Variants in C8orf89 observed in about 807,000 individuals in gnomAD.
C8orf89 encodes chromosome 8 open reading frame 89.
A neutral mutation model predicts 15.8 loss-of-function variants in C8orf89; 14 were observed. That is an observed-to-expected ratio of 0.89 (90% CI 0.59 to 1.39). The LOEUF (loss-of-function observed/expected upper bound fraction) is 1.39. Ranked by LOEUF, C8orf89 falls within the 40% of genes most tolerant of loss-of-function variation. The probability of loss-of-function intolerance (pLI) is 0.00; values close to 1 mark genes in which losing one functional copy is unlikely to be tolerated. For synonymous variants in C8orf89, 55 were observed against 62.2 expected (o/e 0.88, Z 0.54); for missense variants, 181 against 184.5 (o/e 0.98, Z 0.11).
At chr8:73,244,428 G>A (rs140307996) in intron 3 of C8orf89, among the ~76,000 whole-genome samples, 3 of 152,084 alleles carry the variant, frequency 2.0e-5, no homozygotes, top group Non-Finnish European at 4.4e-5. Context: ...CAATCACTAC[G>A]TATTACCCCT....
At chr8:73,273,977 T>C in the C8orf89 span, among the ~76,000 whole-genome samples, 1 of 152,168 alleles carries the variant, frequency 6.6e-6, no homozygotes, top group Non-Finnish European at 1.5e-5. Flanking sequence ...TATTTTGTAA[T>C]GATATATCAT....
the C8orf89 span, among the ~76,000 whole-genome samples, chr8:73,265,766 C>G: frequency 6.6e-6 from 1 of 152,180 alleles, no homozygotes; most frequent in Non-Finnish European, 1.5e-5. Flanking sequence ...AAGGGCATCT[C>G]AAATTCAAAA....
the C8orf89 span, among the ~76,000 whole-genome samples, chr8:73,274,247 G>A: frequency 3.9e-5 from 6 of 152,032 alleles, no homozygotes; most frequent in East Asian, 1.9e-4. Flanking sequence ...TCCGCCTCCC[G>A]GGTTCACGCC....
At chr8:73,251,741 G>A (rs762020591) in intron 2 of C8orf89, among the ~76,000 whole-genome samples, 1 of 152,130 alleles carries the variant, frequency 6.6e-6, no homozygotes, top group African/African-American at 2.4e-5. Flanking sequence ...GTCAGAAAGG[G>A]CTAATTCATG....
In C8orf89 at chr8:73,253,870, A is replaced by G. The variant is rs866956975; in HGVS notation, c.281+3103T>C. ...GGTTTTCTAGATATACAATCATGTCATCTGCAAACAGGGACAATTTGACTT... is the reference window on the plus strand; with the variant it reads ...GGTTTTCTAGATATACAATCATGTCGTCTGCAAACAGGGACAATTTGACTT... On this transcript the variant is annotated intron_variant, in intron 2 of 3. Coordinates refer to ENST00000624510, the MANE Select transcript of C8orf89 (RefSeq NM_001243237.3). 8.8e-3 allele frequency among the ~76,000 whole-genome samples: 1,317 copies of G among 149,618 alleles called. 39 individuals are homozygous for G. Among genetic ancestry groups the G allele is most frequent in the African/African-American group, 0.03 (1,196 of 39,348 alleles).
At chr8:73,267,005 C>A in the C8orf89 span, among the ~76,000 whole-genome samples, 1 of 152,056 alleles carries the variant, frequency 6.6e-6, no homozygotes, top group African/African-American at 2.4e-5. Context: ...TGCCAACTGA[C>A]CAAAGATAGG....
intron 2 of C8orf89, among the ~76,000 whole-genome samples, chr8:73,254,484 A>G (rs574511333): frequency 6.6e-6 from 1 of 152,318 alleles, no homozygotes; most frequent in Admixed American, 6.5e-5. Flanking sequence ...TAAAAAAGGC[A>G]TTCAGGGAAT....
intron 3 of C8orf89, among the ~76,000 whole-genome samples, chr8:73,243,696 G>C (rs1222251127): frequency 6.6e-6 from 1 of 151,892 alleles, no homozygotes; most frequent in Non-Finnish European, 1.5e-5. Flanking sequence ...TGCCCAGCTA[G>C]TTTTTGTATT....
chr8:73,255,142 T>G (rs1813341354), intron 2 of C8orf89, among the ~76,000 whole-genome samples: 1 of 151,502 alleles, frequency 6.6e-6, no homozygotes, highest in South Asian at 2.1e-4. Flanking sequence ...CTAAAGAGCT[T>G]CTGCACAGCA....
At chr8:73,271,325 T>C in the C8orf89 span, among the ~76,000 whole-genome samples, 1 of 151,928 alleles carries the variant, frequency 6.6e-6, no homozygotes, top group South Asian at 2.1e-4. Flanking sequence ...GTCATGGGAG[T>C]GGATCTCTCA....
chr8:73,277,996 G>C, the C8orf89 span: 2 of 602,978 alleles, frequency 3.3e-6, no homozygotes, highest in East Asian at 7.4e-5. Context: ...CTCTTGCACC[G>C]AGGGACCACA....
intron 2 of C8orf89, among the ~76,000 whole-genome samples, chr8:73,255,290 C>T (rs988498962): frequency 5.4e-4 from 82 of 152,280 alleles, no homozygotes; most frequent in African/African-American, 1.9e-3. Context: ...CAAACAACCC[C>T]ATCAAAAAGT....
intron 2 of C8orf89, among the ~76,000 whole-genome samples, chr8:73,256,502 G>A (rs1033385742): frequency 1.3e-5 from 2 of 151,898 alleles, no homozygotes; most frequent in Non-Finnish European, 2.9e-5. Flanking sequence ...GGCTGACTTG[G>A]GCAGATGACG....
chr8:73,276,052 G>A, the C8orf89 span, among the ~76,000 whole-genome samples: 7 of 151,842 alleles, frequency 4.6e-5, no homozygotes, highest in East Asian at 1.2e-3. Flanking sequence ...TTTGGTTTTT[G>A]TTCGCTCCCT....
intron 2 of C8orf89, among the ~76,000 whole-genome samples, chr8:73,256,726 C>CAGAAAAAAAAAA (rs746689876): frequency 2.3e-5 from 1 of 43,704 alleles, no homozygotes; most frequent in African/African-American, 7.9e-5. Flanking sequence ...GACTCTGTCT[C>CAGAAAAAAAAAA]AAAAAAAAAA....
chr8:73,264,860 G>A, the C8orf89 span, among the ~76,000 whole-genome samples: 1 of 152,204 alleles, frequency 6.6e-6, no homozygotes, highest in Non-Finnish European at 1.5e-5. Flanking sequence ...ATATCTAAAA[G>A]TGAAGAGCAC....
the C8orf89 span, among the ~76,000 whole-genome samples, chr8:73,274,117 T>C: frequency 3.3e-5 from 5 of 152,120 alleles, no homozygotes; most frequent in Non-Finnish European, 7.4e-5. Context: ...GACAGGTGCT[T>C]ACCTGACACT....
At chr8:73,264,673 T>C in the C8orf89 span, among the ~76,000 whole-genome samples, 1 of 152,156 alleles carries the variant, frequency 6.6e-6, no homozygotes, top group Non-Finnish European at 1.5e-5. Context: ...GTATTTTTGG[T>C]AGAGACAGTG....
At chr8:73,273,296 G>A in the C8orf89 span, among the ~76,000 whole-genome samples, 2 of 152,218 alleles carry the variant, frequency 1.3e-5, no homozygotes, top group African/African-American at 4.8e-5. Context: ...TCAGGGCCCC[G>A]GAAACCACTT....
Sources: gnomAD v4.1 joint callset for allele counts (sites outside exome capture counted in the v4.1 genomes callset) on GRCh38, gnomAD v4.1.1 for gene constraint, MANE v1.5 for transcripts, NCBI Gene and HGNC (gene_info 2026-07-23, HGNC 2026-07-21) for gene names.